PCDHA8: variants seen among roughly 807,000 people sequenced by gnomAD.
PCDHA8 encodes the protein protocadherin alpha 8.
A neutral mutation model predicts 61.8 loss-of-function variants in PCDHA8; 53 were observed. That is an observed-to-expected ratio of 0.86 (90% CI 0.69 to 1.08). The LOEUF is 1.08. PCDHA8 is among the 50% of genes least tolerant of loss of function. PCDHA8 has a pLI of 0.00. For synonymous variants in PCDHA8, 618 were observed against 556.6 expected (o/e 1.11, Z -1.55); for missense variants, 1,293 against 1,245.0 (o/e 1.04, Z -0.58).
chr5:140,945,800 C>T (rs1411676680), intron 1 of PCDHA8, among the ~76,000 whole-genome samples: 1 of 152,026 alleles, frequency 6.6e-6, no homozygotes, highest in African/African-American at 2.4e-5. Flanking sequence ...TGAAACTAGA[C>T]CCTTATCTCA....
chr5:140,869,434 G>A, intron 1 of PCDHA8: 1 of 1,614,218 alleles, frequency 6.2e-7, no homozygotes, highest in Non-Finnish European at 8.5e-7. Flanking sequence ...GGTGATCGTG[G>A]ACAGGCCGCT....
At position 141,010,004 on chromosome 5, in the gene PCDHA8, A is replaced by T; in HGVS notation, c.*67A>T. 1 of 1,573,418 alleles carries T rather than the reference A, an allele frequency of 6.4e-7. No individual in the cohort carries two copies. The highest frequency in any genetic ancestry group is 8.6e-7 in the Non-Finnish European group (1 of 1,163,824). ...TAATGGCAAATCTCTCCCATGTAGC[A>T]ATTCCCTGCTCCTTTTTCCTATCTA... On this transcript the variant is annotated 3_prime_UTR_variant, in exon 4 of 4. Transcript: ENST00000531613.
intron 1 of PCDHA8, chr5:140,871,619 A>C: frequency 7.1e-7 from 1 of 1,415,536 alleles, no homozygotes; most frequent in Non-Finnish European, 9.4e-7. Context: ...ATTGTTTTAG[A>C]TAACAATGTC....
intron 1 of PCDHA8, among the ~76,000 whole-genome samples, chr5:140,910,949 C>T (rs1413845849): frequency 1.3e-5 from 2 of 152,112 alleles, no homozygotes; most frequent in African/African-American, 2.4e-5. Context: ...CAGTTCTTTT[C>T]GAGTGTAGCA....
intron 1 of PCDHA8, chr5:140,966,387 C>G: frequency 2.5e-6 from 1 of 405,008 alleles, no homozygotes. Context: ...GGTTCGCTGT[C>G]CGCCACTTCG....
intron 1 of PCDHA8, chr5:140,966,877 T>A (rs782616985): frequency 6.3e-7 from 1 of 1,586,572 alleles, no homozygotes; most frequent in Admixed American, 1.8e-5. Context: ...TGCTGCTACC[T>A]GGCCCTGCGG....
intron 1 of PCDHA8, among the ~76,000 whole-genome samples, chr5:140,971,967 A>C (rs2096509788): frequency 6.6e-6 from 1 of 152,118 alleles, no homozygotes; most frequent in Non-Finnish European, 1.5e-5. Flanking sequence ...ACTTTTTTTC[A>C]ATACTATGAG....
At chr5:140,995,963 A>G (rs2097706042) in intron 3 of PCDHA8, among the ~76,000 whole-genome samples, 1 of 152,234 alleles carries the variant, frequency 6.6e-6, no homozygotes, top group Non-Finnish European at 1.5e-5. Context: ...AATGCTTAGA[A>G]CCATGCTTAG....
intron 1 of PCDHA8, chr5:140,882,698 G>GA: frequency 6.2e-7 from 1 of 1,614,200 alleles, no homozygotes; most frequent in Non-Finnish European, 8.5e-7. Flanking sequence ...AATCATTGCA[G>GA]AATCTAGACC....
At chr5:140,973,720 A>G (rs781883210) in intron 1 of PCDHA8, among the ~76,000 whole-genome samples, 1 of 152,194 alleles carries the variant, frequency 6.6e-6, no homozygotes, top group Non-Finnish European at 1.5e-5. Flanking sequence ...GAGCCATCAC[A>G]TGGGCATCTG....
chr5:140,936,867 T>TA (rs1471990778), intron 1 of PCDHA8, among the ~76,000 whole-genome samples: 5 of 152,214 alleles, frequency 3.3e-5, no homozygotes, highest in Admixed American at 2.6e-4. Context: ...GTTTCTATTT[T>TA]AAAAAACCCT....
At chr5:140,907,712 T>A (rs1562961756) in intron 1 of PCDHA8, among the ~76,000 whole-genome samples, 1 of 152,198 alleles carries the variant, frequency 6.6e-6, no homozygotes, top group African/African-American at 2.4e-5. Context: ...GCTGAGCCCA[T>A]GTGTAACCTC....
intron 1 of PCDHA8, among the ~76,000 whole-genome samples, chr5:140,941,977 A>G (rs1247578104): frequency 6.6e-6 from 1 of 152,154 alleles, no homozygotes; most frequent in Admixed American, 6.5e-5. Context: ...CTTTCCCTAA[A>G]CCTTGATAAG....
Position 140,895,372 on chromosome 5 carries a change from T to C in PCDHA8, c.2394+51657T>C, listed in dbSNP as rs112463980. Among the ~76,000 whole-genome samples, 883 of 152,294 alleles carry C rather than the reference T, an allele frequency of 5.8e-3. 7 individuals carry two copies. The highest frequency in any genetic ancestry group is 0.021 in the African/African-American group (855 of 41,558). On this transcript the variant is annotated intron_variant, in intron 1 of 3. Coordinates refer to ENST00000531613, the MANE Select transcript of PCDHA8 (RefSeq NM_018911.3). The stretch of plus-strand genomic sequence containing the variant: ...CCAGTGAGTACTTATTGGCACTTTT[T>C]GGAGTTCTTCAATTCTCAACACCAT...
chr5:140,863,406 G>T, intron 1 of PCDHA8: 1 of 800,564 alleles, frequency 1.2e-6, no homozygotes, highest in South Asian at 1.3e-5. Flanking sequence ...GCAAGCCCAC[G>T]CTGGTGTACC....
intron 1 of PCDHA8, among the ~76,000 whole-genome samples, chr5:140,901,699 A>G (rs1373176124): frequency 6.6e-6 from 1 of 152,124 alleles, no homozygotes; most frequent in East Asian, 1.9e-4. Context: ...TTGTAGTTCT[A>G]TATACATTTT....
intron 1 of PCDHA8, chr5:140,875,854 G>T: frequency 1.2e-6 from 2 of 1,614,160 alleles, no homozygotes; most frequent in East Asian, 4.5e-5. Flanking sequence ...GGACATTAAC[G>T]ACAACCCGCC....
intron 1 of PCDHA8, among the ~76,000 whole-genome samples, chr5:140,937,273 G>A (rs1165421382): frequency 1.3e-5 from 2 of 151,966 alleles, no homozygotes; most frequent in African/African-American, 2.4e-5. Context: ...TCCTGACCTC[G>A]TGATTCACCC....
intron 1 of PCDHA8, chr5:140,875,267 C>A: frequency 1.7e-6 from 2 of 1,211,108 alleles, no homozygotes; most frequent in Non-Finnish European, 2.2e-6. Context: ...TGTCGCTCTA[C>A]ACTCAGAAGG....
Sources: gnomAD v4.1 joint callset for allele counts (sites outside exome capture counted in the v4.1 genomes callset) on GRCh38, gnomAD v4.1.1 for gene constraint, MANE v1.5 for transcripts, NCBI Gene and HGNC (gene_info 2026-07-23, HGNC 2026-07-21) for gene names.